Variants in CEP350 observed in about 807,000 individuals in gnomAD.
CEP350 encodes the protein centrosomal protein 350.
CEP350 carries 126 observed loss-of-function variants against 331.8 expected under a neutral mutation model. That is an observed-to-expected ratio of 0.38 (90% confidence interval 0.33 to 0.44). The LOEUF (loss-of-function observed/expected upper bound fraction) is 0.44. Ranked by LOEUF, CEP350 falls within the 20% of genes least tolerant of loss-of-function variation. The pLI is 1.00. For synonymous variants in CEP350, 1,200 were observed against 1,259.5 expected (o/e 0.95, Z 1.00); for missense variants, 3,406 against 3,634.6 (o/e 0.94, Z 1.62).
At chr1:179,957,226 C>T (rs1650234504) in intron 1 of CEP350, among the ~76,000 whole-genome samples, 1 of 152,090 alleles carries the variant, frequency 6.6e-6, no homozygotes, top group African/African-American at 2.4e-5. Flanking sequence ...GCCACATGAT[C>T]AGTAACATAA....
intron 15 of CEP350, among the ~76,000 whole-genome samples, chr1:180,033,561 T>G (rs1242423108): frequency 6.6e-6 from 1 of 152,190 alleles, no homozygotes; most frequent in Non-Finnish European, 1.5e-5. Flanking sequence ...AATGAGTGAA[T>G]CATAGTATAT....
Position 180,112,729 on chromosome 1 carries a change from A to C in CEP350, c.*1568A>C, listed in dbSNP as rs1441843095. 6.6e-6 allele frequency: 1 copy of C among 152,590 alleles called. No homozygotes were observed. Among genetic ancestry groups the C allele is most frequent in the Non-Finnish European group, 1.5e-5 (1 of 68,040 alleles). 9.5% of individuals were successfully genotyped at this position (152,590 alleles called of 1,614,324 possible). ...TATAGCTTCAAAGTATATTAGAAAAACCCCAAAGATGGTATAATCTTTAAG... is the reference window on the plus strand; with the variant it reads ...TATAGCTTCAAAGTATATTAGAAAACCCCCAAAGATGGTATAATCTTTAAG... On this transcript the variant is annotated 3_prime_UTR_variant, in exon 38 of 38. Transcript: ENST00000367607.
intron 10 of CEP350, among the ~76,000 whole-genome samples, chr1:180,015,225 T>TATTC (rs1654896697): frequency 6.9e-6 from 1 of 145,620 alleles, no homozygotes; most frequent in South Asian, 2.1e-4. Flanking sequence ...TTTATTTATT[T>TATTC]ATTTATTTAT....
At chr1:179,958,424 T>A (rs542092935) in intron 1 of CEP350, among the ~76,000 whole-genome samples, 122 of 152,362 alleles carry the variant, frequency 8.0e-4, no homozygotes, top group African/African-American at 2.8e-3. Flanking sequence ...ATAAATAATT[T>A]AAAAATGTCC....
chr1:179,996,273 G>A (rs907869178), intron 5 of CEP350, among the ~76,000 whole-genome samples: 8 of 151,988 alleles, frequency 5.3e-5, no homozygotes, highest in African/African-American at 1.4e-4. Context: ...TTCTCAGTTT[G>A]TATGACTGGT....
At chr1:180,080,913 G>A (rs1451194721) in intron 30 of CEP350, among the ~76,000 whole-genome samples, 2 of 152,096 alleles carry the variant, frequency 1.3e-5, no homozygotes, top group African/African-American at 4.8e-5. Context: ...AGGCTGGAGT[G>A]CAGTGGTGCG....
chr1:179,955,710 G>T (rs1650124060), intron 1 of CEP350, among the ~76,000 whole-genome samples: 1 of 152,214 alleles, frequency 6.6e-6, no homozygotes, highest in South Asian at 2.1e-4. Flanking sequence ...AACATGCTAA[G>T]TAATATTTAG....
At chr1:180,053,282 A>C in intron 23 of CEP350, 116 bp downstream of exon 23, 1 of 530,500 alleles carries the variant, frequency 1.9e-6, no homozygotes, top group Non-Finnish European at 3.2e-6. Context: ...TTTCTAAGAT[A>C]TCAGTTTTAT....
rs140086032 is a variant in CEP350 at position 179,976,711 on chromosome 1, G to A, written c.-13-9458G>A. On this transcript the variant is annotated intron_variant, in intron 1 of 37. Transcript: ENST00000367607. The stretch of plus-strand genomic sequence containing the variant: ...ATACAAGAAATGAAATATAGGAAAT[G>A]AATTTCAAATATATTTTTCATTAAT... Among the ~76,000 whole-genome samples, 618 of 151,966 alleles carry A rather than the reference G, an allele frequency of 4.1e-3. 3 individuals carry two copies. Among genetic ancestry groups the A allele is most frequent in the African/African-American group, 0.014 (586 of 41,468 alleles).
intron 25 of CEP350, among the ~76,000 whole-genome samples, chr1:180,056,203 T>A (rs1657828831): frequency 6.6e-6 from 1 of 152,204 alleles, no homozygotes; most frequent in South Asian, 2.1e-4. Flanking sequence ...TTATTTTCTT[T>A]CAGCACTTCT....
chr1:179,991,606 TGGTG>T (rs1653070262), intron 4 of CEP350, among the ~76,000 whole-genome samples: 1 of 150,588 alleles, frequency 6.6e-6, no homozygotes, highest in Admixed American at 6.6e-5. Flanking sequence ...GTTTCTTAAT[TGGTG>T]GGTGAAAACC....
At chr1:179,993,159 C>T (rs1041955955) in intron 5 of CEP350, among the ~76,000 whole-genome samples, 1 of 151,126 alleles carries the variant, frequency 6.6e-6, no homozygotes, top group Non-Finnish European at 1.5e-5. Context: ...TGGGAGTTAT[C>T]ACTAGTATCG....
At position 180,036,917 on chromosome 1, in the gene CEP350, G is replaced by A. The variant is rs1370752923; in HGVS notation, c.3947-9G>A. On this transcript the variant is annotated splice_polypyrimidine_tract_variant and intron_variant, in intron 16 of 37. Transcript: ENST00000367607. The stretch of plus-strand genomic sequence containing the variant: ...AACTTTTCCATTTGACCATTGTCAT[G>A]CCTTCCAGGTTCTAAGCGCTTTTCT... The A allele has an allele frequency of 6.5e-7, 1 of 1,528,684 alleles. No individual in the cohort carries two copies. Among genetic ancestry groups the A allele is most frequent in the South Asian group, 1.3e-5 (1 of 77,292 alleles). The allele number at this position is 1,528,684 out of a possible 1,614,324, so 94.7% of individuals were successfully genotyped here.
chr1:180,080,120 T>TA (rs1436705894), intron 29 of CEP350, among the ~76,000 whole-genome samples: 1 of 152,180 alleles, frequency 6.6e-6, no homozygotes, highest in Non-Finnish European at 1.5e-5. Flanking sequence ...GCAAACTTCT[T>TA]ACGCTCTGTT....
chr1:179,975,813 A>G (rs1414077201), intron 1 of CEP350, among the ~76,000 whole-genome samples: 1 of 152,218 alleles, frequency 6.6e-6, no homozygotes, highest in Non-Finnish European at 1.5e-5. Context: ...TCTAGAGCTC[A>G]GAAATAGATC....
chr1:179,968,607 C>A, intron 1 of CEP350: 2 of 352,416 alleles, frequency 5.7e-6, no homozygotes, highest in Non-Finnish European at 1.1e-5. Context: ...TCCACGCTAC[C>A]CAGAGAGGGG....
At chr1:180,064,404 TTC>T (rs1658421903) in intron 26 of CEP350, among the ~76,000 whole-genome samples, 1 of 152,006 alleles carries the variant, frequency 6.6e-6, no homozygotes, top group Admixed American at 6.6e-5. Context: ...GACTTAACTG[TTC>T]AAGAGGAAGA....
intron 1 of CEP350, among the ~76,000 whole-genome samples, chr1:179,981,233 TTAAA>T (rs1311167300): frequency 6.6e-6 from 1 of 152,148 alleles, no homozygotes; most frequent in Non-Finnish European, 1.5e-5. Context: ...TCTTGGCAAA[TTAAA>T]TAGACAAAAG....
chr1:179,978,321 G>T (rs1051227334), intron 1 of CEP350, among the ~76,000 whole-genome samples: 8 of 152,154 alleles, frequency 5.3e-5, no homozygotes, highest in Admixed American at 1.3e-4. Context: ...TTGATACAAT[G>T]TGTAGTGATC....
Sources: allele counts gnomAD v4.1 joint callset (sites outside exome capture counted in the v4.1 genomes callset), GRCh38; gene constraint gnomAD v4.1.1; transcripts MANE v1.5; gene names NCBI Gene and HGNC (gene_info 2026-07-23, HGNC 2026-07-21).